The following NDE1 variants were observed in gnomAD, a reference collection of about 807,000 sequenced individuals.
NDE1 encodes nuclear distribution protein nudE homolog 1.
A neutral mutation model predicts 43.4 loss-of-function variants in NDE1; 28 were observed. That is an observed-to-expected ratio of 0.65 (90% CI 0.48 to 0.89). The LOEUF (loss-of-function observed/expected upper bound fraction) is 0.89, where lower values mean the gene tolerates loss of function less well. Among genes scored for constraint, NDE1 ranks in the 40% least tolerant of loss-of-function variants. The pLI, the probability that NDE1 is intolerant of heterozygous loss-of-function variation, is 0.00. For missense variants in NDE1, 441 were observed against 434.1 expected (o/e 1.02, Z -0.14); for synonymous variants, 184 against 172.0 (o/e 1.07, Z -0.55).
intron 5 of NDE1, 103 bp from the exon 6 acceptor site, chr16:15,691,041 C>G: frequency 1.4e-6 from 2 of 1,409,202 alleles, no homozygotes; most frequent in South Asian, 2.4e-5. Context: ...CTCCTGACCT[C>G]AGGCGATCCA....
At chr16:15,690,358 T>TC (rs1567652221) in intron 5 of NDE1, among the ~76,000 whole-genome samples, 3 of 76,194 alleles carry the variant, frequency 3.9e-5, no homozygotes, top group South Asian at 5.3e-4. Flanking sequence ...TTTTTCTTTT[T>TC]TTTTTTTTTT....
At chr16:15,645,737 C>T (rs554917549), upstream of NDE1, among the ~76,000 whole-genome samples, 16 of 152,254 alleles carry the variant, frequency 1.1e-4, no homozygotes, top group South Asian at 2.9e-3. Flanking sequence ...TTCAGTTTTT[C>T]CCTTGTCCAA....
chr16:15,694,083 C>A, intron 6 of NDE1, 82 bp from the exon 7 acceptor site: 1 of 1,503,630 alleles, frequency 6.7e-7, no homozygotes, highest in South Asian at 1.2e-5. Flanking sequence ...CCTCCTGTCC[C>A]GTGGTTTTGG....
At chr16:15,675,067 A>C (rs1184903445) in intron 3 of NDE1, among the ~76,000 whole-genome samples, 4 of 152,088 alleles carry the variant, frequency 2.6e-5, no homozygotes, top group African/African-American at 9.7e-5. Context: ...GCTTCAGACA[A>C]TGATTTGTCT....
At chr16:15,657,345 C>T (rs1276992331) in intron 1 of NDE1, among the ~76,000 whole-genome samples, 3 of 151,806 alleles carry the variant, frequency 2.0e-5, no homozygotes, top group East Asian at 3.9e-4. Context: ...GTGAACCACC[C>T]GCCTTGGCTT....
At chr16:15,675,474 T>C (rs1426868212) in intron 3 of NDE1, among the ~76,000 whole-genome samples, 1 of 151,474 alleles carries the variant, frequency 6.6e-6, no homozygotes, top group Non-Finnish European at 1.5e-5. Context: ...TCTCACTCTG[T>C]GGCCTGGGCG....
chr16:15,675,193 C>T (rs1425984669), intron 3 of NDE1, among the ~76,000 whole-genome samples: 1 of 151,686 alleles, frequency 6.6e-6, no homozygotes, highest in Non-Finnish European at 1.5e-5. Context: ...TGCCTGCCCG[C>T]CCCCTCCCAG....
chr16:15,700,890 G>A (rs1396416134), intron 8 of NDE1, among the ~76,000 whole-genome samples: 2 of 152,108 alleles, frequency 1.3e-5, no homozygotes, highest in African/African-American at 4.8e-5. Flanking sequence ...GCTTTGTGGT[G>A]TACTGAAATC....
intron 8 of NDE1, chr16:15,719,791 C>A: frequency 6.3e-7 from 1 of 1,590,000 alleles, no homozygotes; most frequent in African/African-American, 1.3e-5. Flanking sequence ...GCTTTGCACA[C>A]CCACCCCTTG....
In NDE1 at chr16:15,677,650, CAT is replaced by C. The variant is rs2037954038; in HGVS notation, c.238-149_238-148del. ...CCAGGCTGGAGTGGAGTGTTACAGT[CAT>C]AGCTCACTGCAGCCTCTAACTCCTG... On this transcript the variant is annotated intron_variant, in intron 3 of 8. Coordinates refer to ENST00000396354, the MANE Select transcript of NDE1 (RefSeq NM_017668.3). 10 of 772,248 alleles carry C rather than the reference CAT, an allele frequency of 1.3e-5. No homozygotes were observed. In the South Asian group the frequency reaches 1.5e-4, roughly 12 times the overall value. The allele number at this position is 772,248 out of a possible 1,614,324, so 47.8% of individuals were successfully genotyped here. A position where few individuals can be genotyped will look rare whatever the true frequency, so the allele number is the denominator to read the frequency against.
chr16:15,694,240 T>C lies in NDE1; in HGVS notation c.779T>C (p.Leu260Pro). ...TCAGCCCTCAACATTGTGGGAGACCTACTGCGGAAAGTCGGGGTAAGACCA... is the reference window on the plus strand; with the variant it reads ...TCAGCCCTCAACATTGTGGGAGACCCACTGCGGAAAGTCGGGGTAAGACCA... ...RISALNIVGD[L>P]LRKVGALESK... Residue 260 changes from leucine to proline, a missense_variant, in exon 7 of 9, where the codon CTA becomes CCA. Transcript: ENST00000396354. 4 of 1,613,858 alleles carry C rather than the reference T, an allele frequency of 2.5e-6. No individual in the cohort carries two copies. Among genetic ancestry groups the C allele is most frequent in the Non-Finnish European group, 3.4e-6 (4 of 1,179,970 alleles).
chr16:15,684,018 G>A, intron 4 of NDE1: 1 of 152,128 alleles, frequency 6.6e-6, no homozygotes, highest in Non-Finnish European at 1.5e-5. Flanking sequence ...ATCACCTGAG[G>A]TTAGGAGTTG....
chr16:15,673,222 AT>A (rs755790717), intron 3 of NDE1, among the ~76,000 whole-genome samples: 1 of 150,160 alleles, frequency 6.7e-6, no homozygotes. Context: ...TTCGGTTTTG[AT>A]TTTTTTTTGA....
At chr16:15,714,470 G>A (rs111420515) in intron 8 of NDE1, 2,579 of 231,992 alleles carry the variant, frequency 0.011, 72 homozygotes, top group African/African-American at 0.053. Flanking sequence ...CCCCATACCC[G>A]AGAATAATGC....
intron 4 of NDE1, among the ~76,000 whole-genome samples, chr16:15,680,180 G>A (rs895578812): frequency 5.3e-5 from 8 of 152,206 alleles, no homozygotes; most frequent in African/African-American, 1.9e-4. Flanking sequence ...TTGATGGGCA[G>A]TAGCTGAAAT....
chr16:15,663,241 CTTT>C (rs35559905), intron 1 of NDE1, among the ~76,000 whole-genome samples: 4 of 140,456 alleles, frequency 2.8e-5, no homozygotes, highest in Admixed American at 7.2e-5. Flanking sequence ...CTTTCATATT[CTTT>C]TTTTTTTTTT....
chr16:15,669,715 G>A (rs1330120586), intron 3 of NDE1, among the ~76,000 whole-genome samples: 2 of 150,672 alleles, frequency 1.3e-5, no homozygotes, highest in African/African-American at 4.9e-5. Context: ...GGCTGGTCTC[G>A]AACTCCTGAG....
At position 15,718,413 on chromosome 16, in the gene NDE1, G is replaced by A. The variant is rs1335030890; in HGVS notation, c.948-5778G>A. On this transcript the variant is annotated intron_variant, in intron 8 of 8. Transcript: ENST00000396354. ...AGCTGGGCGATCCGGGCCTCCAGGC[G>A]GCGCTTCTCGTCCTGGAGTGCGTTC... 7 of 1,584,164 alleles carry A rather than the reference G, an allele frequency of 4.4e-6. No homozygotes were observed. Among genetic ancestry groups the A allele is most frequent in the Middle Eastern group, 1.8e-4 (1 of 5,490 alleles).
chr16:15,655,810 T>G (rs2036733108), intron 1 of NDE1, among the ~76,000 whole-genome samples: 1 of 151,906 alleles, frequency 6.6e-6, no homozygotes, highest in African/African-American at 2.4e-5. Context: ...TAAAAAATGA[T>G]GAGTTCATGT....
Sources: allele counts gnomAD v4.1 joint callset (sites outside exome capture counted in the v4.1 genomes callset), GRCh38; gene constraint gnomAD v4.1.1; transcripts MANE v1.5; gene names NCBI Gene and HGNC (gene_info 2026-07-23, HGNC 2026-07-21).